Variants in CTSS observed in about 807,000 individuals in gnomAD.
CTSS encodes cathepsin S.
A neutral mutation model predicts 39.9 loss-of-function variants in CTSS; 15 were observed. The observed-to-expected ratio is 0.38, with a 90% CI of 0.25 to 0.58. The LOEUF is 0.58. CTSS is among the 20% of genes least tolerant of loss of function. CTSS has a pLI of 0.70. For synonymous variants in CTSS, 126 were observed against 138.2 expected (o/e 0.91, Z 0.62); for missense variants, 250 against 398.2 (o/e 0.63, Z 3.17).
Position 150,732,993 on chromosome 1 carries a change from G to A in CTSS, c.*53C>T. 7.8e-7 allele frequency: 1 copy of A among 1,275,166 alleles called. No homozygotes were observed. 79.0% of individuals were successfully genotyped at this position (1,275,166 alleles called of 1,614,324 possible). A position where few individuals can be genotyped will look rare whatever the true frequency, so the allele number is the denominator to read the frequency against. On this transcript the variant is annotated 3_prime_UTR_variant, in exon 8 of 8. Transcript: ENST00000368985. Reference sequence around the variant, plus strand: ...TTCTGGATACAGCAGGAAAAATTAAGTTAAGAGAAAGTGCTTCATATTTCT... The same window carrying A: ...TTCTGGATACAGCAGGAAAAATTAAATTAAGAGAAAGTGCTTCATATTTCT...
intron 7 of CTSS, among the ~76,000 whole-genome samples, chr1:150,735,810 G>A (rs1040686888): frequency 1.3e-4 from 19 of 147,458 alleles, no homozygotes; most frequent in Non-Finnish European, 2.8e-4. Flanking sequence ...AGGCTGGAGT[G>A]TAGTGGCACA....
chr1:150,748,233 T>A (rs145323628), intron 6 of CTSS: 200 of 161,450 alleles, frequency 1.2e-3, no homozygotes, highest in Non-Finnish European at 2.0e-3. Context: ...GAGGTTGCAG[T>A]GAGCTGAGAT....
chr1:150,754,350 G>C (rs1051591018), intron 4 of CTSS, among the ~76,000 whole-genome samples: 4 of 151,760 alleles, frequency 2.6e-5, no homozygotes, highest in Non-Finnish European at 5.9e-5. Context: ...CTGACCTCAA[G>C]TGATCTGCCT....
At chr1:150,749,272 G>A (rs1652955708) in intron 6 of CTSS, among the ~76,000 whole-genome samples, 1 of 152,178 alleles carries the variant, frequency 6.6e-6, no homozygotes, top group Non-Finnish European at 1.5e-5. Flanking sequence ...AGTCAGGCAT[G>A]CTGTGAATGT....
At chr1:150,733,403 C>A (rs150693263) in intron 7 of CTSS, among the ~76,000 whole-genome samples, 1 of 152,278 alleles carries the variant, frequency 6.6e-6, no homozygotes, top group East Asian at 1.9e-4. Context: ...GTCCTTTAAT[C>A]CTCCTACTTT....
intron 4 of CTSS, among the ~76,000 whole-genome samples, chr1:150,754,064 T>A (rs1335396196): frequency 6.6e-6 from 1 of 151,850 alleles, no homozygotes; most frequent in Non-Finnish European, 1.5e-5. Context: ...AAGTTCCTTA[T>A]ATAAATTACT....
At chr1:150,760,706 C>A (rs926240377) in intron 2 of CTSS, among the ~76,000 whole-genome samples, 3 of 151,320 alleles carry the variant, frequency 2.0e-5, no homozygotes, top group Non-Finnish European at 4.4e-5. Flanking sequence ...TGGCAAGACC[C>A]CTTCTCTACA....
At position 150,764,680 on chromosome 1, in the gene CTSS, C is replaced by T. The variant is rs145551238; in HGVS notation, c.84G>A (p.Trp28Ter). 1.9e-6 allele frequency: 3 copies of T among 1,613,986 alleles called. No homozygotes were observed. The highest frequency in any genetic ancestry group is 8.5e-7 in the Non-Finnish European group (1 of 1,179,996). ...LHKDPTLDHH[W>*]HLWKKTYGKQ... ...TGCCATAGGTTTTCTTCCAGAGATGCCAGTGGTGATCCAGGGTAGGATCTT... is the reference window on the plus strand; with the variant it reads ...TGCCATAGGTTTTCTTCCAGAGATGTCAGTGGTGATCCAGGGTAGGATCTT... Residue 28 changes from tryptophan (W) to a stop codon, truncating the protein, a stop_gained, in exon 2 of 8, where the codon TGG becomes TGA. Transcript: ENST00000368985. LOFTEE classifies it high-confidence loss of function.
chr1:150,738,367 T>C (rs1369222457), intron 7 of CTSS, among the ~76,000 whole-genome samples: 1 of 152,226 alleles, frequency 6.6e-6, no homozygotes, highest in African/African-American at 2.4e-5. Context: ...AGCAAGTCTA[T>C]CGGCACAATG....
At chr1:150,746,296 A>T (rs1439745541) in intron 7 of CTSS, among the ~76,000 whole-genome samples, 2 of 152,192 alleles carry the variant, frequency 1.3e-5, no homozygotes, top group Admixed American at 6.5e-5. Flanking sequence ...ACACAAAGAG[A>T]AACTCCAGGT....
intron 5 of CTSS, among the ~76,000 whole-genome samples, chr1:150,750,586 G>T (rs1652987590): frequency 6.6e-6 from 1 of 152,090 alleles, no homozygotes; most frequent in South Asian, 2.1e-4. Flanking sequence ...AGTGGGAAAA[G>T]GAAAGTTACA....
intron 7 of CTSS, among the ~76,000 whole-genome samples, chr1:150,733,831 G>A (rs140035815): frequency 6.6e-6 from 1 of 152,144 alleles, no homozygotes; most frequent in African/African-American, 2.4e-5. Flanking sequence ...AGCCAGGCAT[G>A]GTGGCATGCA....
chr1:150,747,622 C>T (rs1192420484), intron 7 of CTSS, among the ~76,000 whole-genome samples, 155 bp downstream of exon 7: 1 of 152,056 alleles, frequency 6.6e-6, no homozygotes, highest in African/African-American at 2.4e-5. Context: ...AAGATGGGGG[C>T]ACTGAGTAAT....
At chr1:150,751,199 G>A (rs892144728) in intron 5 of CTSS, among the ~76,000 whole-genome samples, 8 of 152,118 alleles carry the variant, frequency 5.3e-5, no homozygotes, top group Admixed American at 3.3e-4. Context: ...ATGGGAGGCT[G>A]CAGAAGAAAA....
rs770213010 is a variant in CTSS at position 150,733,055 on chromosome 1, T to A, written c.987A>T (p.Pro329=). The A allele has an allele frequency of 6.2e-7, 1 of 1,609,590 alleles. No individual in the cohort carries two copies. Among genetic ancestry groups the A allele is most frequent in the South Asian group, 1.1e-5 (1 of 90,834 alleles). Residue 329 remains proline (P), a synonymous_variant, in exon 8 of 8, where the codon CCA becomes CCT. Coordinates refer to ENST00000368985, the MANE Select transcript of CTSS (RefSeq NM_004079.5). ...HCGIASFPSY[P]EI ...AAAAAGGAGAGATCCTCTAGATTTCTGGGTAAGAGGGAAAGCTAGCAATCC... is the reference window on the plus strand; with the variant it reads ...AAAAAGGAGAGATCCTCTAGATTTCAGGGTAAGAGGGAAAGCTAGCAATCC...
chr1:150,759,212 G>A (rs1341097967), intron 2 of CTSS, among the ~76,000 whole-genome samples: 1 of 151,752 alleles, frequency 6.6e-6, no homozygotes, highest in Admixed American at 6.6e-5. Context: ...TTCGTTACAT[G>A]TATCTGGGTG....
chr1:150,748,978 T>C (rs1652949574), intron 6 of CTSS, among the ~76,000 whole-genome samples: 1 of 152,190 alleles, frequency 6.6e-6, no homozygotes, highest in African/African-American at 2.4e-5. Context: ...ACCACACCTA[T>C]ATAAGATAGC....
intron 2 of CTSS, among the ~76,000 whole-genome samples, chr1:150,763,137 A>G (rs1276466998): frequency 3.9e-5 from 6 of 152,146 alleles, no homozygotes; most frequent in Non-Finnish European, 1.5e-5. Flanking sequence ...GTCATTTTCA[A>G]CAACATGGAT....
intron 7 of CTSS, among the ~76,000 whole-genome samples, chr1:150,743,273 C>T (rs1298180581): frequency 6.6e-6 from 1 of 151,738 alleles, no homozygotes; most frequent in Non-Finnish European, 1.5e-5. Context: ...ACACACTTTC[C>T]TCCTCCAATA....
Sources: gnomAD v4.1 joint callset for allele counts (sites outside exome capture counted in the v4.1 genomes callset) on GRCh38, gnomAD v4.1.1 for gene constraint, MANE v1.5 for transcripts, NCBI Gene and HGNC (gene_info 2026-07-23, HGNC 2026-07-21) for gene names.